Variants in DAB1 observed in about 807,000 individuals in gnomAD.
The protein encoded by DAB1 is disabled homolog 1.
A neutral mutation model predicts 64.6 loss-of-function variants in DAB1; 15 were observed. The observed-to-expected ratio is 0.23, with a 90% confidence interval of 0.16 to 0.36. The LOEUF is 0.36. Ranked by LOEUF, DAB1 falls within the 10% of genes least tolerant of loss-of-function variation. DAB1 has a pLI of 1.00. For missense variants in DAB1, 596 were observed against 706.7 expected (o/e 0.84, Z 1.78); for synonymous variants, 235 against 251.9 (o/e 0.93, Z 0.64).
intron 1 of DAB1, among the ~76,000 whole-genome samples, chr1:57,393,849 G>A (rs540431): frequency 0.56 from 84,572 of 151,876 alleles, 24,855 homozygotes; most frequent in African/African-American, 0.7. Context: ...ATATCCTGCC[G>A]GGTCAAAAAT....
chr1:58,164,178 A>G (rs1445431058), intron 4 of DAB1, among the ~76,000 whole-genome samples: 2 of 146,982 alleles, frequency 1.4e-5, no homozygotes, highest in Admixed American at 6.8e-5. Context: ...ACAACTCAAG[A>G]GAGCTCAGCT....
At chr1:58,366,700 T>C (rs1039429015) in intron 3 of DAB1, among the ~76,000 whole-genome samples, 18 of 152,210 alleles carry the variant, frequency 1.2e-4, no homozygotes, top group Non-Finnish European at 1.5e-4. Context: ...TGCCAGGAGA[T>C]GCAGCAAAAA....
chr1:58,402,529 C>A (rs1042906089), intron 3 of DAB1, among the ~76,000 whole-genome samples: 2 of 151,650 alleles, frequency 1.3e-5, no homozygotes, highest in African/African-American at 4.9e-5. Flanking sequence ...GAGAGAAGAA[C>A]GTGAATAAAA....
chr1:57,514,944 T>A (rs1644446847), intron 7 of DAB1, among the ~76,000 whole-genome samples: 1 of 152,220 alleles, frequency 6.6e-6, no homozygotes, highest in Non-Finnish European at 1.5e-5. Context: ...CAGCACATCA[T>A]GAGTGACATA....
intron 4 of DAB1, among the ~76,000 whole-genome samples, chr1:57,087,758 G>A (rs35105800): frequency 6.6e-6 from 1 of 152,186 alleles, no homozygotes; most frequent in Admixed American, 6.5e-5. Flanking sequence ...TGCTCCCTGA[G>A]CCTCTTTTTC....
At chr1:57,151,773 C>A (rs976627602) in intron 2 of DAB1, among the ~76,000 whole-genome samples, 34 of 142,340 alleles carry the variant, frequency 2.4e-4, no homozygotes, top group African/African-American at 8.4e-4. Flanking sequence ...ACTCTGGTTT[C>A]TTAAAAACCT....
intron 5 of DAB1, among the ~76,000 whole-genome samples, chr1:58,081,685 T>C (rs1230256325): frequency 6.6e-6 from 1 of 152,250 alleles, no homozygotes; most frequent in Non-Finnish European, 1.5e-5. Flanking sequence ...GCTACCCAGT[T>C]GCCCACCTGG....
chr1:58,049,341 C>A (rs1313655352), intron 5 of DAB1: 1 of 629,796 alleles, frequency 1.6e-6, no homozygotes. Flanking sequence ...GCGGCATCCA[C>A]GGGCAGAAAG....
chr1:58,066,053 G>A (rs1648837005), intron 5 of DAB1, among the ~76,000 whole-genome samples: 1 of 152,208 alleles, frequency 6.6e-6, no homozygotes, highest in African/African-American at 2.4e-5. Flanking sequence ...ACCTCACAGT[G>A]TCCACCACAA....
At chr1:57,479,872 G>A (rs1307114562) in intron 7 of DAB1, among the ~76,000 whole-genome samples, 1 of 152,090 alleles carries the variant, frequency 6.6e-6, no homozygotes, top group African/African-American at 2.4e-5. Context: ...CAAAGCCAGG[G>A]GCCGGGCGCG....
At chr1:58,416,015 T>C (rs1469369908) in intron 3 of DAB1, among the ~76,000 whole-genome samples, 1 of 152,220 alleles carries the variant, frequency 6.6e-6, no homozygotes, top group Non-Finnish European at 1.5e-5. Context: ...CAATAAGCAA[T>C]ACCTTCTATT....
At chr1:57,408,046 C>A (rs1570467068) in intron 1 of DAB1, among the ~76,000 whole-genome samples, 1 of 152,248 alleles carries the variant, frequency 6.6e-6, no homozygotes, top group East Asian at 1.9e-4. Flanking sequence ...ATGCCCACGT[C>A]TCCTCTCTAA....
chr1:57,640,150 G>C (rs901070367), intron 7 of DAB1, among the ~76,000 whole-genome samples: 7 of 152,140 alleles, frequency 4.6e-5, no homozygotes, highest in Non-Finnish European at 1.0e-4. Context: ...TTTGCTATGT[G>C]ACTTAATGTG....
chr1:58,053,697 T>C (rs1421918461), intron 5 of DAB1, among the ~76,000 whole-genome samples: 1 of 152,172 alleles, frequency 6.6e-6, no homozygotes, highest in Non-Finnish European at 1.5e-5. Context: ...AAAGATAATA[T>C]ATGAAAGTAG....
At chr1:58,174,348 A>C (rs975308208) in intron 4 of DAB1, among the ~76,000 whole-genome samples, 4 of 152,146 alleles carry the variant, frequency 2.6e-5, no homozygotes, top group African/African-American at 9.7e-5. Context: ...CCTCCTTGCC[A>C]AATTTGTTTC....
chr1:58,298,967 G>A (rs1489538949), intron 4 of DAB1, among the ~76,000 whole-genome samples: 2 of 152,118 alleles, frequency 1.3e-5, no homozygotes, highest in African/African-American at 2.4e-5. Context: ...TAGGAAACAC[G>A]TAAAATGCAG....
At chr1:57,002,400 A>T (rs192297873) in intron 14 of DAB1, among the ~76,000 whole-genome samples, 121 of 152,310 alleles carry the variant, frequency 7.9e-4, no homozygotes, top group African/African-American at 2.7e-3. Flanking sequence ...GTTAGAAAGA[A>T]TGTATCACAA....
At chr1:57,752,245 T>C (rs1194728315) in intron 6 of DAB1, among the ~76,000 whole-genome samples, 1 of 152,238 alleles carries the variant, frequency 6.6e-6, no homozygotes, top group African/African-American at 2.4e-5. Context: ...TTTCATTTTC[T>C]TGGCAAATGG....
intron 5 of DAB1, among the ~76,000 whole-genome samples, chr1:57,981,911 A>C (rs972389185): frequency 6.6e-6 from 1 of 152,176 alleles, no homozygotes; most frequent in Non-Finnish European, 1.5e-5. Context: ...CTTTATTCTA[A>C]AATTTCCAAA....
Sources: allele counts gnomAD v4.1 joint callset (sites outside exome capture counted in the v4.1 genomes callset), GRCh38; gene constraint gnomAD v4.1.1; transcripts MANE v1.5; gene names NCBI Gene and HGNC (gene_info 2026-07-23, HGNC 2026-07-21).